TUBAL3: variants seen among roughly 807,000 people sequenced by gnomAD.
TUBAL3 encodes the protein tubulin alpha like 3, also known as tubulin alpha chain-like 3.
A neutral mutation model predicts 15.5 loss-of-function variants in TUBAL3; 16 were observed. The ratio of observed to expected loss-of-function variants is 1.04; its 90% CI spans 0.70 to 1.57. The LOEUF (loss-of-function observed/expected upper bound fraction) is 1.57. Among genes scored for constraint, TUBAL3 ranks in the 40% most tolerant of loss-of-function variants. The pLI, the probability that TUBAL3 is intolerant of heterozygous loss-of-function variation, is 0.00. For missense variants in TUBAL3, 609 were observed against 576.2 expected, an observed-to-expected ratio of 1.06 and a Z score of -0.58; for synonymous variants, 238 against 224.3, an observed-to-expected ratio of 1.06 and a Z score of -0.55.
Position 5,397,301 on chromosome 10 carries a change from T to C in TUBAL3, c.248-1826A>G, listed in dbSNP as rs953923781. Among the ~76,000 whole-genome samples the C allele has an allele frequency of 2.6e-5, 4 of 152,232 alleles. No homozygotes were observed. Among genetic ancestry groups the C allele is most frequent in the African/African-American group, 9.6e-5 (4 of 41,452 alleles). On this transcript the variant is annotated intron_variant, in intron 2 of 3. Coordinates refer to ENST00000380419, the MANE Select transcript of TUBAL3 (RefSeq NM_024803.3). This position sits in a 1 kb window ranked among gnomAD's most constrained non-coding sequence, Gnocchi z 4.9. Reference sequence around the variant, plus strand: ...AAATAATATTTATTGAAATTGAGTTTAAATAACTTTTAACTAGCTTACACA... The same window carrying C: ...AAATAATATTTATTGAAATTGAGTTCAAATAACTTTTAACTAGCTTACACA...
intron 1 of TUBAL3, 143 bp downstream of exon 1, chr10:5,404,647 T>C (rs983834773): frequency 3.0e-5 from 25 of 826,412 alleles, no homozygotes; most frequent in Non-Finnish European, 4.7e-5. Flanking sequence ...ACTCATCTAC[T>C]TGGACATTGA....
chr10:5,399,237 A>AAT (rs1276903943), intron 2 of TUBAL3, among the ~76,000 whole-genome samples: 1 of 152,240 alleles, frequency 6.6e-6, no homozygotes, highest in Non-Finnish European at 1.5e-5. Context: ...ACTAGTAAAC[A>AAT]ATAGCTGCTG....
In TUBAL3 at chr10:5,393,540, CAT is replaced by C; in HGVS notation, c.1316_1317del (p.Tyr439Ter). 6.2e-7 allele frequency: 1 copy of C among 1,610,752 alleles called. No individual in the cohort carries two copies. The highest frequency in any genetic ancestry group is 8.5e-7 in the Non-Finnish European group (1 of 1,178,432). On this transcript the variant is annotated frameshift_variant, in exon 4 of 4. Transcript: ENST00000380419. LOFTEE classifies it high-confidence loss of function. ...REDLAALERD[Y>X]EEVAQSF Reference sequence around the variant, plus strand: ...CCTCAGAAACTTTGCGCCACTTCCTCATAGTCCCTCTCCAGGGCTGCCAGATC... The same window carrying C: ...CCTCAGAAACTTTGCGCCACTTCCTCAGTCCCTCTCCAGGGCTGCCAGATC...
In TUBAL3 at chr10:5,395,228, T is replaced by A. The variant is rs1279308500; in HGVS notation, c.396+99A>T. 2 of 1,266,552 alleles carry A rather than the reference T, an allele frequency of 1.6e-6. No homozygotes were observed. The highest frequency in any genetic ancestry group is 2.6e-4 in the Middle Eastern group (1 of 3,886). 78.5% of individuals were successfully genotyped at this position (1,266,552 alleles called of 1,614,324 possible). On this transcript the variant is annotated intron_variant, in intron 3 of 3. Coordinates refer to ENST00000380419, the MANE Select transcript of TUBAL3 (RefSeq NM_024803.3). This position sits in a 1 kb window ranked among gnomAD's most constrained non-coding sequence, Gnocchi z 4.6. ...AGACCAGAGCCCAGGGAGAGACGGT[T>A]GGTGGCGATGGTGACAGCAGATAAT... is the stretch of plus-strand genomic sequence containing the variant.
Position 5,401,043 on chromosome 10 carries a change from A to G in TUBAL3, c.48T>C (p.Ile16=), listed in dbSNP as rs1554814608. The part of the protein sequence containing the change: ...SIHIGQAGIQ[I]GDACWELYCL... ...AATAGAGTTCCCAGCAGGCGTCCCC[A>G]ATCTGGATGCCAGCTTGACCGATGT... The change falls in exon 2 of 4, where the codon ATT becomes ATC. Residue 16 remains isoleucine (I), a synonymous_variant. Coordinates refer to ENST00000380419, the MANE Select transcript of TUBAL3 (RefSeq NM_024803.3). 5 of 1,614,144 alleles carry G rather than the reference A, an allele frequency of 3.1e-6. No individual in the cohort carries two copies. Among genetic ancestry groups the G allele is most frequent in the Non-Finnish European group, 3.4e-6 (4 of 1,180,024 alleles).
chr10:5,394,547 T>A lies in TUBAL3; in HGVS notation c.397-86A>T, dbSNP rs1245880153. 2 of 1,285,046 alleles carry A rather than the reference T, an allele frequency of 1.6e-6. No individual in the cohort carries two copies. Among genetic ancestry groups the A allele is most frequent in the Non-Finnish European group, 2.1e-6 (2 of 941,448 alleles). The allele number at this position is 1,285,046 out of a possible 1,614,324, so 79.6% of individuals were successfully genotyped here. A position where few individuals can be genotyped will look rare whatever the true frequency, so the allele number is the denominator to read the frequency against. On this transcript the variant is annotated intron_variant, in intron 3 of 3. Transcript: ENST00000380419. The surrounding 1 kb of genome is among the most constrained non-coding windows in gnomAD (Gnocchi z 4.3). ...ACAGTAGTGGCAGGATACAACAGGT[T>A]TCCCCAAAACAAAATCTTTCAGAAA...
chr10:5,396,635 T>G lies in TUBAL3; in HGVS notation c.248-1160A>C, dbSNP rs1257245159. On this transcript the variant is annotated intron_variant, in intron 2 of 3. Coordinates refer to ENST00000380419, the MANE Select transcript of TUBAL3 (RefSeq NM_024803.3). The surrounding 1 kb of genome is among the most constrained non-coding windows in gnomAD (Gnocchi z 5.1). ...ATGCCCACACGACCCAAATGCTGAG[T>G]GCATAAATGCATGACGCAGGACAAT... 6.6e-6 allele frequency among the ~76,000 whole-genome samples: 1 copy of G among 152,202 alleles called. No homozygotes were observed. Among genetic ancestry groups the G allele is most frequent in the Admixed American group, 6.5e-5 (1 of 15,278 alleles).
rs139110257 is a variant in TUBAL3, at chr10:5,397,725, C to T, written c.248-2250G>A. On this transcript the variant is annotated intron_variant, in intron 2 of 3. Transcript: ENST00000380419. The surrounding 1 kb of genome is among the most constrained non-coding windows in gnomAD (Gnocchi z 4.9). Reference sequence around the variant, plus strand: ...GATGGCTCCTTAGCTTCCTTAACTACGGTGTCAGTCAGCTGCATTCCACTT... The same window carrying T: ...GATGGCTCCTTAGCTTCCTTAACTATGGTGTCAGTCAGCTGCATTCCACTT... 1.1e-3 allele frequency among the ~76,000 whole-genome samples: 164 copies of T among 152,292 alleles called. No individual in the cohort carries two copies. The highest frequency in any genetic ancestry group is 3.3e-3 in the African/African-American group (139 of 41,558).
At chr10:5,398,871 CTTG>C (rs1831806362) in intron 2 of TUBAL3, among the ~76,000 whole-genome samples, 4 of 152,190 alleles carry the variant, frequency 2.6e-5, no homozygotes, top group African/African-American at 7.2e-5. Flanking sequence ...ATTGGACACA[CTTG>C]TTGTAGAAAT....
chr10:5,403,763 T>C (rs1554814831), intron 1 of TUBAL3, among the ~76,000 whole-genome samples: 1 of 152,114 alleles, frequency 6.6e-6, no homozygotes, highest in African/African-American at 2.4e-5. Flanking sequence ...AAATTCTCTA[T>C]GAAAATATTA....
At chr10:5,402,518 A>G (rs1159204212) in intron 1 of TUBAL3, among the ~76,000 whole-genome samples, 2 of 152,198 alleles carry the variant, frequency 1.3e-5, no homozygotes, top group East Asian at 3.8e-4. Context: ...ACACTGCCCT[A>G]AAGCCTGAGA....
At position 5,400,712 on chromosome 10, in the gene TUBAL3, G is replaced by C. The variant is rs145198140; in HGVS notation, c.247+132C>G. On this transcript the variant is annotated intron_variant, in intron 2 of 3. Coordinates refer to ENST00000380419, the MANE Select transcript of TUBAL3 (RefSeq NM_024803.3). The stretch of plus-strand genomic sequence containing the variant: ...CATGTTAATCACCCATGGCCACTGA[G>C]TAAGCCTCTACATTTGGGAAAGGTC... 638 of 1,113,442 alleles carry C rather than the reference G, an allele frequency of 5.7e-4. 3 individuals carry two copies. The African/African-American group carries it at 8.4e-3, about 15-fold the overall frequency. 69.0% of individuals were successfully genotyped at this position (1,113,442 alleles called of 1,614,324 possible).
intron 1 of TUBAL3, among the ~76,000 whole-genome samples, chr10:5,403,544 A>C (rs981294123): frequency 1.5e-3 from 21 of 13,800 alleles, no homozygotes; most frequent in Non-Finnish European, 2.5e-4. Context: ...CACTAACATT[A>C]AAAAAAAAAA....
chr10:5,401,022 G>A lies in TUBAL3; in HGVS notation c.69C>T (p.Leu23=). The A allele has an allele frequency of 6.2e-7, 1 of 1,614,210 alleles. No individual in the cohort carries two copies. Residue 23 remains leucine (L), a synonymous_variant, in exon 2 of 4, where the codon CTC becomes CTT. Coordinates refer to ENST00000380419, the MANE Select transcript of TUBAL3 (RefSeq NM_024803.3). Reference sequence around the variant, plus strand: ...GCTGGATTCCATGTTCCAGGCAATAGAGTTCCCAGCAGGCGTCCCCAATCT... The same window carrying A: ...GCTGGATTCCATGTTCCAGGCAATAAAGTTCCCAGCAGGCGTCCCCAATCT... ...GIQIGDACWE[L]YCLEHGIQPN...
intron 2 of TUBAL3, among the ~76,000 whole-genome samples, chr10:5,398,187 G>A (rs993864850): frequency 1.5e-4 from 23 of 152,052 alleles, no homozygotes; most frequent in African/African-American, 4.6e-4. Flanking sequence ...TTGGGAGGCC[G>A]AGGCAGGTGG....
chr10:5,394,296 C>T lies in TUBAL3; in HGVS notation c.562G>A (p.Val188Met), dbSNP rs782012870. The change falls in exon 4 of 4, where the codon GTG (valine) becomes ATG (methionine). Residue 188 changes from valine (V) to methionine (M), a missense_variant. Val to Met is a conservative substitution (Grantham distance 21, BLOSUM62 1). Transcript: ENST00000380419. The surrounding 1 kb of genome is among the most constrained non-coding windows in gnomAD (Gnocchi z 4.3). ...VYPAPRISTA[V>M]VEPYNSVLTT... ...AGGACAGAGTTATAAGGCTCTACCACAGCAGTGGAGATCCTGGGGGCTGGG... is the reference window on the plus strand; with the variant it reads ...AGGACAGAGTTATAAGGCTCTACCATAGCAGTGGAGATCCTGGGGGCTGGG... 3.0e-5 allele frequency: 48 copies of T among 1,614,152 alleles called. No individual in the cohort carries two copies. The highest frequency in any genetic ancestry group is 2.2e-4 in the East Asian group (10 of 44,880).
At position 5,395,552 on chromosome 10, in the gene TUBAL3, G is replaced by A. The variant is rs189030903; in HGVS notation, c.248-77C>T. 150 of 1,338,372 alleles carry A rather than the reference G, an allele frequency of 1.1e-4. 1 individual carries two copies. In the Admixed American group the frequency reaches 4.1e-3, roughly 37 times the overall value. The allele number at this position is 1,338,372 out of a possible 1,614,324, so 82.9% of individuals were successfully genotyped here. On this transcript the variant is annotated intron_variant, in intron 2 of 3. Coordinates refer to ENST00000380419, the MANE Select transcript of TUBAL3 (RefSeq NM_024803.3). This position sits in a 1 kb window ranked among gnomAD's most constrained non-coding sequence, Gnocchi z 4.6. ...TCCACCTGCTGCTAGTCCTCCTGGA[G>A]CCTCCCCGTACTTGACTCCCATGCT...
chr10:5,398,716 G>A (rs1162947163), intron 2 of TUBAL3, among the ~76,000 whole-genome samples: 3 of 151,792 alleles, frequency 2.0e-5, no homozygotes, highest in Non-Finnish European at 2.9e-5. Flanking sequence ...GCATTCCCAC[G>A]CAAATTGGTA....
rs782090793 is a variant in TUBAL3, at chr10:5,394,320, G to T, written c.538C>A (p.Pro180Thr). Residue 180 changes from proline to threonine, a missense_variant, in exon 4 of 4, where the codon CCA becomes ACA. Pro to Thr is a conservative substitution (Grantham distance 38). Transcript: ENST00000380419. The surrounding 1 kb of genome is among the most constrained non-coding windows in gnomAD (Gnocchi z 4.3). ...ACAGCAGTGGAGATCCTGGGGGCTG[G>T]GTAGACCGAGAACTCCAGCTTAGTC... ...RKTKLEFSVY[P>T]APRISTAVVE... The T allele has an allele frequency of 6.2e-7, 1 of 1,614,108 alleles. No homozygotes were observed. Among genetic ancestry groups the T allele is most frequent in the Non-Finnish European group, 8.5e-7 (1 of 1,180,018 alleles).
Sources: allele counts gnomAD v4.1 joint callset (sites outside exome capture counted in the v4.1 genomes callset), GRCh38; gene constraint gnomAD v4.1.1; non-coding constraint Gnocchi (gnomAD v3.1); transcripts MANE v1.5; gene names NCBI Gene and HGNC (gene_info 2026-07-23, HGNC 2026-07-21).